Variants in TMPRSS15 observed in about 807,000 individuals in gnomAD.
The protein encoded by TMPRSS15 is enteropeptidase.
Under a neutral mutation model 125.3 loss-of-function variants are expected in TMPRSS15, and 128 were observed. The observed-to-expected ratio is 1.02, with a 90% confidence interval of 0.89 to 1.18. The LOEUF is 1.18. Among genes scored for constraint, TMPRSS15 ranks in the 50% most tolerant of loss-of-function variants. TMPRSS15 has a pLI of 0.00. For synonymous variants in TMPRSS15, 446 were observed against 423.2 expected, an observed-to-expected ratio of 1.05 and a Z score of -0.66; for missense variants, 1,283 against 1,212.7, an observed-to-expected ratio of 1.06 and a Z score of -0.86.
chr21:18,351,924 G>T (rs373871683), intron 10 of TMPRSS15, among the ~76,000 whole-genome samples: 2 of 152,098 alleles, frequency 1.3e-5, no homozygotes, highest in African/African-American at 4.8e-5. Context: ...GGAAGTTACT[G>T]TATATGACCT....
intron 1 of TMPRSS15, among the ~76,000 whole-genome samples, chr21:18,446,281 A>G (rs928876363): frequency 1.3e-5 from 2 of 152,200 alleles, no homozygotes; most frequent in Non-Finnish European, 2.9e-5. Context: ...GGAAAACTAT[A>G]AAACACTAAT....
chr21:18,343,967 C>A lies in TMPRSS15; in HGVS notation c.1265G>T (p.Cys422Phe), dbSNP rs754489997. Reference sequence around the variant, plus strand: ...GTCTACAACATACCAGAAACTAAGGCAAGCTGGCTCCAAAGTGGGGTCCAA... The same window carrying A: ...GTCTACAACATACCAGAAACTAAGGAAAGCTGGCTCCAAAGTGGGGTCCAA... ...LPLDPTLEPA[C>F]LSFWYHMYGE... is the part of the protein sequence containing the mutation. Residue 422 changes from cysteine to phenylalanine, a missense_variant, in exon 11 of 25, where the codon TGC becomes TTC. Physicochemically the swap from Cys to Phe is radical, Grantham distance 205 (BLOSUM62 -2). Transcript: ENST00000284885. 6.8e-6 allele frequency: 11 copies of A among 1,614,036 alleles called. No individual in the cohort carries two copies. Among genetic ancestry groups the A allele is most frequent in the Non-Finnish European group, 8.5e-6 (10 of 1,179,972 alleles).
intron 17 of TMPRSS15, among the ~76,000 whole-genome samples, chr21:18,313,366 CT>C (rs1204087197): frequency 2.0e-5 from 3 of 151,414 alleles, no homozygotes; most frequent in African/African-American, 7.3e-5. Context: ...TATATACACA[CT>C]TTTTAAATAT....
chr21:18,424,153 A>G (rs2076197950), intron 1 of TMPRSS15, among the ~76,000 whole-genome samples: 1 of 152,194 alleles, frequency 6.6e-6, no homozygotes, highest in Non-Finnish European at 1.5e-5. Context: ...CAGTAGATTC[A>G]TAGTGTTATC....
chr21:18,374,443 G>T lies in TMPRSS15; in HGVS notation c.533-2119C>A, dbSNP rs995463584. 3.9e-5 allele frequency among the ~76,000 whole-genome samples: 5 copies of T among 128,472 alleles called. No individual in the cohort carries two copies. In the East Asian group the frequency reaches 1.2e-3, roughly 30 times the overall value. 84.3% of individuals were successfully genotyped at this position (128,472 alleles called of 152,430 possible). Reference sequence around the variant, plus strand: ...AGCCGAGATTGCGCCACTGCAGTCCGCAGTCCGGCCTGGGCGACAGAGCGA... The same window carrying T: ...AGCCGAGATTGCGCCACTGCAGTCCTCAGTCCGGCCTGGGCGACAGAGCGA... On this transcript the variant is annotated intron_variant, in intron 5 of 24. Transcript: ENST00000284885.
At chr21:18,315,785 T>G (rs2146942344) in intron 16 of TMPRSS15, among the ~76,000 whole-genome samples, 1 of 145,552 alleles carries the variant, frequency 6.9e-6, no homozygotes, top group East Asian at 2.0e-4. Flanking sequence ...ATGGCACATG[T>G]ATACACATGT....
chr21:18,440,606 G>A (rs145666942), intron 1 of TMPRSS15, among the ~76,000 whole-genome samples: 1 of 151,632 alleles, frequency 6.6e-6, no homozygotes, highest in African/African-American at 2.4e-5. Context: ...GCTATAAGTA[G>A]CACCTATTTT....
At chr21:18,333,450 G>T (rs1278779159) in intron 13 of TMPRSS15, among the ~76,000 whole-genome samples, 1 of 151,900 alleles carries the variant, frequency 6.6e-6, no homozygotes, top group African/African-American at 2.4e-5. Flanking sequence ...TGTAGAAAAT[G>T]TTTACTTAAA....
chr21:18,351,711 T>C (rs1054460297), intron 10 of TMPRSS15, among the ~76,000 whole-genome samples: 2 of 152,202 alleles, frequency 1.3e-5, no homozygotes, highest in African/African-American at 4.8e-5. Context: ...TATTTCTTTA[T>C]GGCAGTGTGA....
chr21:18,436,725 C>A (rs113687068), intron 1 of TMPRSS15, among the ~76,000 whole-genome samples: 6 of 148,996 alleles, frequency 4.0e-5, no homozygotes, highest in East Asian at 2.0e-4. Context: ...TAGGAATCCA[C>A]CTTACAAGGG....
intron 1 of TMPRSS15, among the ~76,000 whole-genome samples, chr21:18,482,370 A>G (rs145863024): frequency 0.018 from 2,699 of 151,486 alleles, 84 homozygotes; most frequent in African/African-American, 0.061. Context: ...TCTTTAGACA[A>G]TAGGGTATGG....
At chr21:18,369,338 G>A (rs938924913) in intron 6 of TMPRSS15, among the ~76,000 whole-genome samples, 17 of 152,130 alleles carry the variant, frequency 1.1e-4, no homozygotes, top group African/African-American at 4.1e-4. Flanking sequence ...GCATATACAC[G>A]TGAGGCATAC....
At chr21:18,390,686 C>A (rs577764170) in intron 3 of TMPRSS15, among the ~76,000 whole-genome samples, 1 of 152,032 alleles carries the variant, frequency 6.6e-6, no homozygotes, top group Non-Finnish European at 1.5e-5. Context: ...AGTTAAGTGT[C>A]CCAGGGAAGG....
chr21:18,440,175 C>A (rs981616032), intron 1 of TMPRSS15, among the ~76,000 whole-genome samples: 1 of 151,430 alleles, frequency 6.6e-6, no homozygotes, highest in African/African-American at 2.4e-5. Context: ...GAGATTGAGA[C>A]CATCCTGGCT....
intron 1 of TMPRSS15, among the ~76,000 whole-genome samples, chr21:18,458,785 T>C (rs998988595): frequency 6.6e-6 from 1 of 152,286 alleles, no homozygotes; most frequent in East Asian, 1.9e-4. Context: ...ATAAAATTCC[T>C]GGTTGGAGAA....
chr21:18,380,255 T>C (rs866235563), intron 4 of TMPRSS15, among the ~76,000 whole-genome samples: 12 of 151,542 alleles, frequency 7.9e-5, no homozygotes, highest in Admixed American at 5.3e-4. Context: ...CTCTCATATG[T>C]AACACACACA....
intron 10 of TMPRSS15, among the ~76,000 whole-genome samples, chr21:18,348,756 C>T (rs904742361): frequency 6.6e-6 from 1 of 152,092 alleles, no homozygotes; most frequent in African/African-American, 2.4e-5. Context: ...GACTATTTTC[C>T]TCCCCAACAT....
chr21:18,359,927 C>G (rs2075664056), intron 7 of TMPRSS15, 64 bp from the exon 8 acceptor site: 1 of 775,906 alleles, frequency 1.3e-6, no homozygotes, highest in African/African-American at 1.7e-5. Flanking sequence ...TTAATGCATT[C>G]TAGAATTTGT....
chr21:18,476,697 C>T (rs1334328250), intron 1 of TMPRSS15, among the ~76,000 whole-genome samples: 2 of 151,822 alleles, frequency 1.3e-5, no homozygotes, highest in South Asian at 2.1e-4. Flanking sequence ...GTTTACAGGA[C>T]CTAAAGAAAA....
Sources: allele counts gnomAD v4.1 joint callset (sites outside exome capture counted in the v4.1 genomes callset), GRCh38; gene constraint gnomAD v4.1.1; transcripts MANE v1.5; gene names NCBI Gene and HGNC (gene_info 2026-07-23, HGNC 2026-07-21).